AFF2: variants seen among roughly 807,000 people sequenced by gnomAD.
The protein encoded by AFF2 is ALF transcription elongation factor 2, also known as AF4/FMR2 family member 2.
AFF2 carries 14 observed loss-of-function variants against 76.9 expected under a neutral mutation model. That is an observed-to-expected ratio of 0.18 (90% confidence interval 0.12 to 0.28). The LOEUF (loss-of-function observed/expected upper bound fraction) is 0.28, where lower values mean the gene tolerates loss of function less well. Ranked by LOEUF, AFF2 falls within the 10% of genes least tolerant of loss-of-function variation. The pLI, the probability that AFF2 is intolerant of heterozygous loss-of-function variation, is 1.00. For synonymous variants in AFF2, 398 were observed against 366.7 expected (o/e 1.09, Z -0.98); for missense variants, 868 against 1,001.1 (o/e 0.87, Z 1.79).
intron 3 of AFF2, among the ~76,000 whole-genome samples, chrX:148,801,843 C>T (rs2070062804): frequency 9.0e-6 from 1 of 111,574 alleles, no homozygotes; most frequent in South Asian, 3.8e-4. Context: ...ATTGTTTATT[C>T]ACTCTCTCCA....
intron 1 of AFF2, among the ~76,000 whole-genome samples, chrX:148,548,422 C>CTTTTA (rs1289287872): frequency 1.1e-4 from 12 of 111,800 alleles, no homozygotes; most frequent in Admixed American, 2.8e-4. Context: ...AGCTGCTTCC[C>CTTTTA]TTTTATTTTA....
chrX:148,903,659 T>C (rs782307201), intron 8 of AFF2, among the ~76,000 whole-genome samples: 258 of 111,867 alleles, frequency 2.3e-3, no homozygotes, highest in African/African-American at 7.8e-3. Context: ...AGGAAATTGA[T>C]CTGAGTATTC....
At chrX:148,946,173 A>C (rs146278235) in intron 9 of AFF2, among the ~76,000 whole-genome samples, 2,882 of 112,410 alleles carry the variant, frequency 0.026, 40 homozygotes, top group Non-Finnish European at 0.042. Context: ...ATTTACAGTT[A>C]TCATAAAAGT....
chrX:148,666,261 A>C (rs2054358066), intron 3 of AFF2, among the ~76,000 whole-genome samples: 1 of 112,187 alleles, frequency 8.9e-6, no homozygotes, highest in Non-Finnish European at 1.9e-5. Context: ...TTTTCAATTG[A>C]GGCATGTCAT....
chrX:148,500,950 G>C lies in AFF2; in HGVS notation c.-148G>C, dbSNP rs1464732184. 2.8e-6 allele frequency: 2 copies of C among 703,712 alleles called. No individual in the cohort carries two copies. The highest frequency in any genetic ancestry group is 4.0e-6 in the Non-Finnish European group (2 of 502,124). The allele number at this position is 703,712 out of a possible 1,213,427, so 58.0% of individuals were successfully genotyped here. A position where few individuals can be genotyped will look rare whatever the true frequency, so the allele number is the denominator to read the frequency against. On this transcript the variant is annotated 5_prime_UTR_variant, in exon 1 of 21. Transcript: ENST00000370460. ...CCAGACACCTCCAGCGCCCGCTGCT[G>C]CTGCCGATGCGGCCCGGACACTTTT...
chrX:148,696,658 C>T (rs2054725728), intron 3 of AFF2, among the ~76,000 whole-genome samples: 1 of 111,335 alleles, frequency 9.0e-6, no homozygotes, highest in African/African-American at 3.3e-5. Context: ...AGTTTTAAAA[C>T]TTTACTTTCC....
intron 3 of AFF2, among the ~76,000 whole-genome samples, chrX:148,744,804 G>A (rs73605922): frequency 0.024 from 2,683 of 111,296 alleles, 87 homozygotes; most frequent in African/African-American, 0.084. Context: ...TTTCACAGAC[G>A]GATGGAGAGA....
At position 148,776,684 on chromosome X, in the gene AFF2, C is replaced by G. The variant is rs782422861; in HGVS notation, c.1042-33192C>G. ...CTGAAAAGTGTCTGTTCCTATACTT[C>G]GCCCACTTTTTGATGGGGTTGTTTT... On this transcript the variant is annotated intron_variant, in intron 3 of 20. Coordinates refer to ENST00000370460, the MANE Select transcript of AFF2 (RefSeq NM_002025.4). 2.1e-4 allele frequency among the ~76,000 whole-genome samples: 23 copies of G among 111,595 alleles called. No homozygotes were observed. The East Asian group carries it at 6.2e-3, about 30-fold the overall frequency.
chrX:148,897,222 T>C lies in AFF2; in HGVS notation c.1360-6999T>C, dbSNP rs1445525827. Among the ~76,000 whole-genome samples, 12 of 1,997 alleles carry C rather than the reference T, an allele frequency of 6.0e-3. No homozygotes were observed. In the South Asian group the frequency reaches 0.062, roughly 10 times the overall value. The allele number at this position is 1,997 out of a possible 115,157, so 1.7% of individuals were successfully genotyped here. A position where few individuals can be genotyped will look rare whatever the true frequency, so the allele number is the denominator to read the frequency against. Reference sequence around the variant, plus strand: ...GGCTAAATATGAAGCCTTAGTCCACTATATATATATATATATATATATATA... The same window carrying C: ...GGCTAAATATGAAGCCTTAGTCCACCATATATATATATATATATATATATA... On this transcript the variant is annotated intron_variant, in intron 8 of 20. Coordinates refer to ENST00000370460, the MANE Select transcript of AFF2 (RefSeq NM_002025.4).
chrX:148,659,940 CAG>C (rs1259651133), intron 2 of AFF2, among the ~76,000 whole-genome samples: 1 of 112,176 alleles, frequency 8.9e-6, no homozygotes, highest in African/African-American at 3.2e-5. Context: ...CTTTTGAAAA[CAG>C]AGTGATTATT....
Position 148,501,023 on chromosome X carries a change from C to G in AFF2, c.-75C>G. 8.7e-7 allele frequency: 1 copy of G among 1,145,363 alleles called. No individual in the cohort carries two copies. Among genetic ancestry groups the G allele is most frequent in the Non-Finnish European group, 1.2e-6 (1 of 854,292 alleles). The allele number at this position is 1,145,363 out of a possible 1,213,427, so 94.4% of individuals were successfully genotyped here. Reference sequence around the variant, plus strand: ...GCCGGGGGCCGCCGAGAACCGCCAGCGAGCTGTGCCGAGAGCCGCGCCGAC... The same window carrying G: ...GCCGGGGGCCGCCGAGAACCGCCAGGGAGCTGTGCCGAGAGCCGCGCCGAC... On this transcript the variant is annotated 5_prime_UTR_variant, in exon 1 of 21. Coordinates refer to ENST00000370460, the MANE Select transcript of AFF2 (RefSeq NM_002025.4).
At chrX:148,669,052 A>G (rs1427362091) in intron 3 of AFF2, among the ~76,000 whole-genome samples, 4 of 111,489 alleles carry the variant, frequency 3.6e-5, no homozygotes, top group African/African-American at 1.3e-4. Context: ...GGTACCCTAA[A>G]TCATCTCTCT....
chrX:148,702,901 C>G (rs191680147), intron 3 of AFF2, among the ~76,000 whole-genome samples: 1 of 112,065 alleles, frequency 8.9e-6, no homozygotes, highest in Non-Finnish European at 1.9e-5. Flanking sequence ...GATACGATTT[C>G]GGGTAAACAA....
At chrX:148,607,055 T>A (rs2124396265) in intron 1 of AFF2, among the ~76,000 whole-genome samples, 1 of 111,319 alleles carries the variant, frequency 9.0e-6, no homozygotes, top group African/African-American at 3.3e-5. Flanking sequence ...GACGACAAGA[T>A]GTAAAGCAAG....
At position 148,558,310 on chromosome X, in the gene AFF2, C is replaced by T. The variant is rs1603241787; in HGVS notation, c.47+57166C>T. On this transcript the variant is annotated intron_variant, in intron 1 of 20. Coordinates refer to ENST00000370460, the MANE Select transcript of AFF2 (RefSeq NM_002025.4). ...GCGGGCGAGTGGCTCTTATCAGGAACAAATGATGCCATAAATCCGGGCTAA... is the reference window on the plus strand; with the variant it reads ...GCGGGCGAGTGGCTCTTATCAGGAATAAATGATGCCATAAATCCGGGCTAA... 5.4e-5 allele frequency among the ~76,000 whole-genome samples: 6 copies of T among 111,415 alleles called. No homozygotes were observed. The Admixed American group carries it at 5.7e-4, about 11-fold the overall frequency.
chrX:148,963,111 C>T (rs782358472), intron 13 of AFF2, among the ~76,000 whole-genome samples, 174 bp downstream of exon 13: 8 of 111,532 alleles, frequency 7.2e-5, no homozygotes, highest in Admixed American at 2.9e-4. Flanking sequence ...TTGTATAGTG[C>T]CTAGTATATT....
intron 1 of AFF2, among the ~76,000 whole-genome samples, chrX:148,567,789 T>C (rs2053185194): frequency 8.9e-6 from 1 of 112,125 alleles, no homozygotes; most frequent in Non-Finnish European, 1.9e-5. Flanking sequence ...ATGAAGGACT[T>C]TGATAGCAAA....
intron 1 of AFF2, among the ~76,000 whole-genome samples, chrX:148,552,048 G>A (rs782577279): frequency 8.0e-5 from 9 of 112,652 alleles, no homozygotes; most frequent in Non-Finnish European, 1.5e-4. Flanking sequence ...GGGGAATTAA[G>A]CACTGTCTTT....
chrX:148,622,755 C>T (rs998204176), intron 1 of AFF2, among the ~76,000 whole-genome samples: 11 of 111,598 alleles, frequency 9.9e-5, no homozygotes, highest in East Asian at 5.7e-4. Context: ...TTGTCTCTTG[C>T]GATGTAGTCC....
Sources: allele counts gnomAD v4.1 joint callset (sites outside exome capture counted in the v4.1 genomes callset), GRCh38; gene constraint gnomAD v4.1.1; transcripts MANE v1.5; gene names NCBI Gene and HGNC (gene_info 2026-07-23, HGNC 2026-07-21).